HEXIM2: variants seen among roughly 807,000 people sequenced by gnomAD.
HEXIM2 encodes HEXIM P-TEFb complex subunit 2, also known as protein HEXIM2.
For synonymous variants in HEXIM2, 159 were observed against 162.7 expected (o/e 0.98, Z 0.17); for missense variants, 413 against 390.8 (o/e 1.06, Z -0.48).
At chr17:45,168,869 CAAAT>C in intron 3 of HEXIM2, 142 bp from the exon 4 acceptor site, 1 of 772,832 alleles carries the variant, frequency 1.3e-6, no homozygotes, top group Admixed American at 2.3e-5. Flanking sequence ...TCTTTGTAAA[CAAAT>C]GGTTCCAAAA....
chr17:45,169,496 G>A lies in HEXIM2; in HGVS notation c.548G>A (p.Arg183Gln), dbSNP rs769302487. The change falls in exon 4 of 4, where the codon CGA becomes CAA. Residue 183 changes from arginine to glutamine, a missense_variant. Coordinates refer to ENST00000589230, the MANE Select transcript of HEXIM2 (RefSeq NM_001303441.2). ...GCCGGGGACAGTGATGGGCGGGGCC[G>A]AGCGCACGGTGAGTTCCAGCGGAAG... ...SEAGDSDGRG[R>Q]AHGEFQRKDF... is the part of the protein sequence containing the mutation. The A allele has an allele frequency of 2.5e-6, 4 of 1,611,552 alleles. No individual in the cohort carries two copies. The highest frequency in any genetic ancestry group is 2.5e-6 in the Non-Finnish European group (3 of 1,179,034).
intron 3 of HEXIM2, among the ~76,000 whole-genome samples, chr17:45,167,654 TCTCA>T (rs2042895309): frequency 6.6e-6 from 1 of 152,128 alleles, no homozygotes. Flanking sequence ...CGAGATGGAG[TCTCA>T]CTCTGTCGCC....
intron 3 of HEXIM2, among the ~76,000 whole-genome samples, chr17:45,164,905 A>T (rs2042797740): frequency 1.3e-5 from 2 of 152,118 alleles, no homozygotes. Context: ...GGATTGACTG[A>T]ATTCGGAATT....
At chr17:45,164,294 A>G (rs745583047) in intron 3 of HEXIM2, among the ~76,000 whole-genome samples, 1 of 152,208 alleles carries the variant, frequency 6.6e-6, no homozygotes, top group African/African-American at 2.4e-5. Context: ...CATCTCTACT[A>G]AAAATACAAA....
Position 45,167,024 on chromosome 17 carries a change from C to CAA in HEXIM2, c.67-1973_67-1972dup, listed in dbSNP as rs58258565. 2.4e-3 allele frequency among the ~76,000 whole-genome samples: 162 copies of CAA among 67,882 alleles called. 6 individuals carry two copies. The highest frequency in any genetic ancestry group is 0.015 in the Middle Eastern group (1 of 68). The allele number at this position is 67,882 out of a possible 152,430, so 44.5% of individuals were successfully genotyped here. On this transcript the variant is annotated intron_variant, in intron 3 of 3. Coordinates refer to ENST00000589230, the MANE Select transcript of HEXIM2 (RefSeq NM_001303441.2). ...TGGGTGACAGAGCAAGACTCTGTCT[C>CAA]AAAAAAAAAAAAAAAAAAAGCCCAG... is the stretch of plus-strand genomic sequence containing the variant.
chr17:45,167,605 A>C (rs2042893155), intron 3 of HEXIM2, among the ~76,000 whole-genome samples: 1 of 151,846 alleles, frequency 6.6e-6, no homozygotes, highest in Non-Finnish European at 1.5e-5. Flanking sequence ...GTCTCTAAAA[A>C]TAAGAGTCTT....
upstream of HEXIM2, chr17:45,161,481 TGCCTCCTCCCAGCCCAA>T: frequency 6.2e-6 from 1 of 161,222 alleles, no homozygotes; most frequent in Non-Finnish European, 1.4e-5. Flanking sequence ...GTCCCTCCGC[TGCCTCCTCCCAGCCCAA>T]AATGGCGGCG....
At position 45,169,055 on chromosome 17, in the gene HEXIM2, G is replaced by C; in HGVS notation, c.107G>C (p.Arg36Pro). The C allele has an allele frequency of 6.2e-7, 1 of 1,613,910 alleles. No individual in the cohort carries two copies. Among genetic ancestry groups the C allele is most frequent in the Non-Finnish European group, 8.5e-7 (1 of 1,179,932 alleles). Reference protein sequence around the residue: ...APGSPQTPPERHDSGGSLPLT... With the variant: ...APGSPQTPPEPHDSGGSLPLT... ...GGGAGCCCCCAAACACCCCCTGAGCGTCATGACTCTGGTGGTTCCCTGCCC... is the reference window on the plus strand; with the variant it reads ...GGGAGCCCCCAAACACCCCCTGAGCCTCATGACTCTGGTGGTTCCCTGCCC... The change falls in exon 4 of 4, where the codon CGT (arginine) becomes CCT (proline). Residue 36 changes from arginine to proline, a missense_variant. Transcript: ENST00000589230.
At chr17:45,162,081 C>A in intron 1 of HEXIM2, 50 bp downstream of exon 1, 1 of 896,280 alleles carries the variant, frequency 1.1e-6, no homozygotes, top group Non-Finnish European at 1.3e-6. Context: ...TCCCTTCTTC[C>A]AAGAAATCCA....
In HEXIM2 at chr17:45,169,587, G is replaced by A; in HGVS notation, c.639G>A (p.Leu213=). 1.3e-6 allele frequency: 2 copies of A among 1,545,960 alleles called. No individual in the cohort carries two copies. The highest frequency in any genetic ancestry group is 1.7e-6 in the Non-Finnish European group (2 of 1,144,960). The change falls in exon 4 of 4, where the codon CTG becomes CTA. Residue 213 remains leucine, a synonymous_variant. Transcript: ENST00000589230. The part of the protein sequence containing the change: ...ESLQGRSKQE[L]VRDYLELEKR... ...TGCAGGGCCGCAGCAAGCAGGAGCTGGTGCGAGACTACCTGGAGCTGGAGA... is the reference window on the plus strand; with the variant it reads ...TGCAGGGCCGCAGCAAGCAGGAGCTAGTGCGAGACTACCTGGAGCTGGAGA...
In HEXIM2 at chr17:45,168,878, C is replaced by T. The variant is rs1408308223; in HGVS notation, c.67-137C>T. 8 of 808,638 alleles carry T rather than the reference C, an allele frequency of 9.9e-6. No individual in the cohort carries two copies. In the East Asian group the frequency reaches 1.2e-4, roughly 12 times the overall value. The allele number at this position is 808,638 out of a possible 1,614,324, so 50.1% of individuals were successfully genotyped here. The stretch of plus-strand genomic sequence containing the variant: ...CAGGTCTCTTTGTAAACAAATGGTT[C>T]CAAAAGGTTGAGGGGCTAAGAGTGA... On this transcript the variant is annotated intron_variant, in intron 3 of 3. Coordinates refer to ENST00000589230, the MANE Select transcript of HEXIM2 (RefSeq NM_001303441.2).
At chr17:45,168,060 T>G (rs566960512) in intron 3 of HEXIM2, among the ~76,000 whole-genome samples, 15 of 149,794 alleles carry the variant, frequency 1.0e-4, no homozygotes, top group African/African-American at 2.9e-4. Flanking sequence ...ATTTTTGTAT[T>G]TTTCGTAGAC....
Position 45,162,836 on chromosome 17 carries a change from C to T in HEXIM2, c.43C>T (p.Pro15Ser). ...CCAGACCGCCTGTAATGCAGAGTCA[C>T]CAGTGGCCCTGGAGGAGGCCAAGGT... is the stretch of plus-strand genomic sequence containing the variant. Reference protein sequence around the residue: ...PNQTACNAESPVALEEAKTSG... With the variant: ...PNQTACNAESSVALEEAKTSG... The change falls in exon 3 of 4, where the codon CCA becomes TCA. Residue 15 changes from proline (P) to serine (S), a missense_variant. Pro to Ser is a moderately conservative substitution (Grantham distance 74). Coordinates refer to ENST00000589230, the MANE Select transcript of HEXIM2 (RefSeq NM_001303441.2). 6 of 1,613,572 alleles carry T rather than the reference C, an allele frequency of 3.7e-6. No homozygotes were observed. The highest frequency in any genetic ancestry group is 4.2e-6 in the Non-Finnish European group (5 of 1,179,898).
In HEXIM2 at chr17:45,164,370, G is replaced by A. The variant is rs375080179; in HGVS notation, c.66+1511G>A. Among the ~76,000 whole-genome samples, 715 of 152,010 alleles carry A rather than the reference G, an allele frequency of 4.7e-3. 4 individuals are homozygous for A. Among genetic ancestry groups the A allele is most frequent in the South Asian group, 7.7e-3 (37 of 4,796 alleles). On this transcript the variant is annotated intron_variant, in intron 3 of 3. Transcript: ENST00000589230. ...GTTGGGAGGCTGAGGCAGGAGAATC[G>A]CTTGAAACTGGGAGGCGGAGTTTGC...
chr17:45,161,113 C>T (rs973640441), upstream of HEXIM2: 1 of 463,132 alleles, frequency 2.2e-6, no homozygotes, highest in Non-Finnish European at 4.0e-6. Flanking sequence ...GGGGCCTCGC[C>T]GCCATACCCA....
chr17:45,162,054 C>G, intron 1 of HEXIM2, 23 bp downstream of exon 1: 1 of 968,664 alleles, frequency 1.0e-6, no homozygotes, highest in Non-Finnish European at 1.2e-6. Context: ...TTTGCAAAAC[C>G]TCTTTCCATG....
chr17:45,166,729 G>T (rs1178210609), intron 3 of HEXIM2, among the ~76,000 whole-genome samples: 2 of 151,960 alleles, frequency 1.3e-5, no homozygotes, highest in Non-Finnish European at 2.9e-5. Flanking sequence ...AGCTCTAAAA[G>T]ATGAAAAAAG....
At chr17:45,161,073 T>C, upstream of HEXIM2, 1 of 672,634 alleles carries the variant, frequency 1.5e-6, no homozygotes, top group Non-Finnish European at 2.3e-6. Context: ...CGCCCCCACC[T>C]CTCCAGTCGA....
At chr17:45,168,460 C>T (rs561061655) in intron 3 of HEXIM2, among the ~76,000 whole-genome samples, 148 of 151,002 alleles carry the variant, frequency 9.8e-4, no homozygotes, top group African/African-American at 3.5e-3. Flanking sequence ...GGTGACAGAG[C>T]GAGACTCCAT....
Sources: allele counts gnomAD v4.1 joint callset (sites outside exome capture counted in the v4.1 genomes callset), GRCh38; gene constraint gnomAD v4.1.1; transcripts MANE v1.5; gene names NCBI Gene and HGNC (gene_info 2026-07-23, HGNC 2026-07-21).